Variants in DPYD observed in about 807,000 individuals in gnomAD.
DPYD encodes the protein dihydropyrimidine dehydrogenase.
A neutral mutation model predicts 116.2 loss-of-function variants in DPYD; 109 were observed. The observed-to-expected ratio is 0.94, with a 90% CI of 0.80 to 1.10. The LOEUF is 1.10. DPYD is among the 50% of genes least tolerant of loss of function. The pLI is 0.00. For missense variants in DPYD, 1,302 were observed against 1,254.5 expected (o/e 1.04, Z -0.57); for synonymous variants, 440 against 432.0 (o/e 1.02, Z -0.23).
chr1:97,158,472 GACACACACACACACACACACACAC>G (rs58771302), intron 20 of DPYD, among the ~76,000 whole-genome samples: 2 of 112,026 alleles, frequency 1.8e-5, no homozygotes, highest in Admixed American at 1.0e-4. Context: ...TAACTCACCA[GACACACACACACACACACACACAC>G]ACACACACAC....
intron 7 of DPYD, among the ~76,000 whole-genome samples, chr1:97,681,522 C>G (rs532628901): frequency 1.3e-5 from 2 of 151,908 alleles, no homozygotes; most frequent in Non-Finnish European, 2.9e-5. Context: ...AGATTAATAA[C>G]GAATATTCAG....
chr1:97,457,415 T>C (rs543115179), intron 13 of DPYD, among the ~76,000 whole-genome samples: 4 of 152,156 alleles, frequency 2.6e-5, no homozygotes, highest in Non-Finnish European at 5.9e-5. Flanking sequence ...CACATAATCA[T>C]GTAGCCTTTT....
At chr1:97,460,804 C>G (rs1027942728) in intron 13 of DPYD, among the ~76,000 whole-genome samples, 1 of 151,968 alleles carries the variant, frequency 6.6e-6, no homozygotes, top group Non-Finnish European at 1.5e-5. Context: ...TTTGGGAGAC[C>G]AAGGTGGGCG....
chr1:97,388,228 G>GT (rs1289724217), intron 14 of DPYD, among the ~76,000 whole-genome samples: 9 of 152,064 alleles, frequency 5.9e-5, no homozygotes, highest in Non-Finnish European at 1.3e-4. Context: ...GCCTAATGAA[G>GT]AAAGTATTGA....
At chr1:97,402,023 T>C (rs545820084) in intron 14 of DPYD, among the ~76,000 whole-genome samples, 2 of 152,300 alleles carry the variant, frequency 1.3e-5, no homozygotes, top group East Asian at 1.9e-4. Flanking sequence ...CAGATTACTG[T>C]AGCTTTATAG....
chr1:97,581,745 C>CAAAAAAAAAAAA (rs1226325704), intron 10 of DPYD, among the ~76,000 whole-genome samples: 1 of 63,570 alleles, frequency 1.6e-5, no homozygotes, highest in African/African-American at 5.8e-5. Context: ...GATCCTGTCT[C>CAAAAAAAAAAAA]AAAAAAAAAA....
At chr1:97,583,136 T>A (rs935854648) in intron 10 of DPYD, among the ~76,000 whole-genome samples, 7 of 151,868 alleles carry the variant, frequency 4.6e-5, no homozygotes, top group African/African-American at 1.5e-4. Flanking sequence ...ACCCCGCTAA[T>A]TTTTTTGTAT....
intron 13 of DPYD, among the ~76,000 whole-genome samples, chr1:97,499,031 T>G (rs1478512539): frequency 6.6e-6 from 1 of 151,690 alleles, no homozygotes; most frequent in African/African-American, 2.4e-5. Flanking sequence ...ATAAATAACT[T>G]TAAAAGTTAT....
chr1:97,633,521 A>G (rs1030596334), intron 8 of DPYD, among the ~76,000 whole-genome samples: 1 of 152,070 alleles, frequency 6.6e-6, no homozygotes, highest in Admixed American at 6.6e-5. Context: ...AAACCAAATC[A>G]TCAACGATTT....
At chr1:97,678,820 A>G (rs1358440381) in intron 8 of DPYD, among the ~76,000 whole-genome samples, 1 of 152,138 alleles carries the variant, frequency 6.6e-6, no homozygotes, top group African/African-American at 2.4e-5. Flanking sequence ...TGACTTGAAA[A>G]TATTTTCTTC....
At chr1:97,181,198 T>G (rs1019398963) in intron 20 of DPYD, among the ~76,000 whole-genome samples, 1 of 152,108 alleles carries the variant, frequency 6.6e-6, no homozygotes, top group African/African-American at 2.4e-5. Flanking sequence ...TACCAAATGA[T>G]TAGAGTTGCC....
chr1:97,592,632 G>A (rs1259639395), intron 10 of DPYD, among the ~76,000 whole-genome samples: 1 of 152,224 alleles, frequency 6.6e-6, no homozygotes, highest in East Asian at 1.9e-4. Flanking sequence ...CTCCCAAAGT[G>A]CTGGGATTAC....
At chr1:97,283,293 T>C (rs1243094539) in intron 18 of DPYD, among the ~76,000 whole-genome samples, 2 of 152,138 alleles carry the variant, frequency 1.3e-5, no homozygotes, top group African/African-American at 2.4e-5. Flanking sequence ...TTCTTGGAAA[T>C]ACGAAGACTA....
rs983115535 is a variant in DPYD at position 97,360,361 on chromosome 1, C to A, written c.2058+13200G>T. Among the ~76,000 whole-genome samples the A allele has an allele frequency of 5.3e-5, 8 of 152,226 alleles. 1 individual carries two copies. Among genetic ancestry groups the A allele is most frequent in the Admixed American group, 4.6e-4 (7 of 15,284 alleles). On this transcript the variant is annotated intron_variant, in intron 16 of 22. Transcript: ENST00000370192. ...ACAATAATAATGGGAGATTTTAACA[C>A]CCCACTGTCCACTGTCAATATTAGA...
rs141105577 is a variant in DPYD, at chr1:97,423,709, T to C, written c.1905+26350A>G. 2.0e-4 allele frequency among the ~76,000 whole-genome samples: 31 copies of C among 152,200 alleles called. No individual in the cohort carries two copies. In the East Asian group the frequency reaches 2.5e-3, roughly 12 times the overall value. ...CCCACCAAATCATGCATTCAGACAA[T>C]TGAATCACCAACCCCCTGACATACT... is the stretch of plus-strand genomic sequence containing the variant. On this transcript the variant is annotated intron_variant, in intron 14 of 22. Coordinates refer to ENST00000370192, the MANE Select transcript of DPYD (RefSeq NM_000110.4).
intron 12 of DPYD, chr1:97,545,769 A>C (rs1650798763): frequency 6.4e-7 from 1 of 1,556,204 alleles, no homozygotes; most frequent in Admixed American, 1.7e-5. Context: ...TGGCATCCCT[A>C]GAAAACTGCA....
intron 19 of DPYD, among the ~76,000 whole-genome samples, chr1:97,196,985 T>C (rs2101834715): frequency 6.6e-6 from 1 of 152,320 alleles, no homozygotes; most frequent in Admixed American, 6.5e-5. Flanking sequence ...TTCTTACTTG[T>C]ACAGTATGAG....
chr1:97,140,832 CA>C (rs1654162713), intron 20 of DPYD, among the ~76,000 whole-genome samples: 1 of 152,122 alleles, frequency 6.6e-6, no homozygotes, highest in African/African-American at 2.4e-5. Context: ...GGATTTTATC[CA>C]TAGCCAAGAA....
intron 18 of DPYD, among the ~76,000 whole-genome samples, chr1:97,291,233 T>C (rs1185922891): frequency 9.9e-5 from 15 of 152,242 alleles, no homozygotes; most frequent in Non-Finnish European, 1.9e-4. Context: ...TTTTACACTG[T>C]TGGTGGGACT....
Sources: gnomAD v4.1 joint callset for allele counts (sites outside exome capture counted in the v4.1 genomes callset) on GRCh38, gnomAD v4.1.1 for gene constraint, MANE v1.5 for transcripts, NCBI Gene and HGNC (gene_info 2026-07-23, HGNC 2026-07-21) for gene names.